C8orf34: variants seen among roughly 807,000 people sequenced by gnomAD.
C8orf34 encodes uncharacterized protein C8orf34.
A neutral mutation model predicts 68.3 loss-of-function variants in C8orf34; 65 were observed. The ratio of observed to expected loss-of-function variants is 0.95; its 90% CI spans 0.78 to 1.17. C8orf34 has a LOEUF of 1.17. Ranked by LOEUF, C8orf34 falls within the 50% of genes most tolerant of loss-of-function variation. The probability of loss-of-function intolerance (pLI) is 0.00; values close to 1 mark genes in which losing one functional copy is unlikely to be tolerated. For synonymous variants in C8orf34, 244 were observed against 241.2 expected, an observed-to-expected ratio of 1.01 and a Z score of -0.11; for missense variants, 664 against 655.4, an observed-to-expected ratio of 1.01 and a Z score of -0.14.
intron 7 of C8orf34, among the ~76,000 whole-genome samples, chr8:68,605,566 G>C (rs1297040177): frequency 1.3e-5 from 2 of 152,050 alleles, no homozygotes; most frequent in African/African-American, 4.8e-5. Context: ...AAAGATGAGA[G>C]GCAGCGAAGA....
intron 2 of C8orf34, among the ~76,000 whole-genome samples, chr8:68,442,228 T>C (rs774333234): frequency 1.3e-5 from 2 of 151,980 alleles, no homozygotes; most frequent in Non-Finnish European, 2.9e-5. Context: ...AGGGCACCAA[T>C]TATGGAAAGT....
chr8:68,682,654 G>A (rs1820404176), intron 8 of C8orf34, among the ~76,000 whole-genome samples: 1 of 152,136 alleles, frequency 6.6e-6, no homozygotes. Context: ...TTGTGGTGGT[G>A]TATTCCTGTC....
At chr8:68,520,810 A>C (rs562824781) in intron 5 of C8orf34, among the ~76,000 whole-genome samples, 2 of 152,280 alleles carry the variant, frequency 1.3e-5, no homozygotes, top group East Asian at 3.9e-4. Flanking sequence ...GTAATAGTAA[A>C]ATTTATCACT....
intron 1 of C8orf34, among the ~76,000 whole-genome samples, chr8:68,395,792 C>T (rs141528435): frequency 9.9e-4 from 150 of 152,018 alleles, no homozygotes; most frequent in African/African-American, 3.2e-3. Flanking sequence ...AAGTAGGAAA[C>T]GAAATCAACT....
At position 68,787,480 on chromosome 8, in the gene C8orf34, C is replaced by G. The variant is rs149687512; in HGVS notation, c.1493C>G (p.Pro498Arg). Residue 498 changes from proline (P) to arginine (R), a missense_variant, in exon 12 of 14, where the codon CCA (proline) becomes CGA (arginine). By Grantham distance (103) the Pro-to-Arg change is moderately radical. Transcript: ENST00000518698. ...SLKQLQVVHQ[P>R]WILPSDTESE... is the part of the protein sequence containing the mutation. ...AAGCAATTGCAGGTAGTTCATCAACCATGGATCTTGCCAAGTGACACAGAA... is the reference window on the plus strand; with the variant it reads ...AAGCAATTGCAGGTAGTTCATCAACGATGGATCTTGCCAAGTGACACAGAA... The G allele has an allele frequency of 5.0e-6, 8 of 1,612,398 alleles. No homozygotes were observed. The highest frequency in any genetic ancestry group is 4.2e-6 in the Non-Finnish European group (5 of 1,178,956).
chr8:68,459,217 C>A (rs902106765), intron 3 of C8orf34, among the ~76,000 whole-genome samples: 9 of 151,908 alleles, frequency 5.9e-5, no homozygotes, highest in African/African-American at 2.4e-5. Flanking sequence ...ACTCAGGGAA[C>A]TCTTTCATTT....
chr8:68,461,195 T>C (rs1316245428), intron 3 of C8orf34, among the ~76,000 whole-genome samples: 1 of 152,138 alleles, frequency 6.6e-6, no homozygotes, highest in African/African-American at 2.4e-5. Flanking sequence ...GTATCAGTGA[T>C]GGAAGACGAA....
chr8:68,457,293 A>C, intron 3 of C8orf34, among the ~76,000 whole-genome samples: 1 of 152,322 alleles, frequency 6.6e-6, no homozygotes, highest in South Asian at 2.1e-4. Flanking sequence ...GAAGTACAAT[A>C]GCTGAAAAAT....
intron 3 of C8orf34, among the ~76,000 whole-genome samples, chr8:68,450,928 A>G (rs995786798): frequency 2.0e-5 from 3 of 152,116 alleles, no homozygotes; most frequent in Non-Finnish European, 4.4e-5. Context: ...ACTTCTCTCT[A>G]GCTATGAAAG....
chr8:68,722,944 T>C (rs967781684), intron 10 of C8orf34, among the ~76,000 whole-genome samples: 36 of 152,116 alleles, frequency 2.4e-4, no homozygotes, highest in Admixed American at 1.2e-3. Context: ...ATCTCTTACC[T>C]TGGCATTTTC....
intron 7 of C8orf34, 47 bp from the exon 8 acceptor site, chr8:68,640,329 T>C (rs1435579774): frequency 6.3e-7 from 1 of 1,576,276 alleles, no homozygotes; most frequent in Non-Finnish European, 8.7e-7. Flanking sequence ...TCTCCTTAAT[T>C]CCACTAGAGT....
chr8:68,535,075 C>T (rs1815405575), intron 7 of C8orf34: 9 of 985,244 alleles, frequency 9.1e-6, no homozygotes, highest in Non-Finnish European at 1.1e-5. Flanking sequence ...CCTCTTATAG[C>T]TTGGAATGTT....
At chr8:68,515,048 A>G (rs1055683499) in intron 5 of C8orf34, among the ~76,000 whole-genome samples, 1 of 152,202 alleles carries the variant, frequency 6.6e-6, no homozygotes, top group South Asian at 2.1e-4. Context: ...CAATATACTA[A>G]GTGCACATGA....
At chr8:68,535,645 AT>A (rs1815433641) in intron 7 of C8orf34, 1 of 679,738 alleles carries the variant, frequency 1.5e-6, no homozygotes, top group Admixed American at 6.3e-5. Flanking sequence ...TTAATTATAT[AT>A]TTGTGGATTT....
At chr8:68,546,392 A>T (rs1024922359) in intron 7 of C8orf34, among the ~76,000 whole-genome samples, 1 of 151,990 alleles carries the variant, frequency 6.6e-6, no homozygotes, top group Non-Finnish European at 1.5e-5. Context: ...AAAGTAGGCA[A>T]AAGAGAGTTA....
intron 10 of C8orf34, among the ~76,000 whole-genome samples, chr8:68,743,660 A>G (rs1822375813): frequency 6.6e-6 from 1 of 152,232 alleles, no homozygotes; most frequent in African/African-American, 2.4e-5. Flanking sequence ...CCACCCGAAT[A>G]CTGCGCTTTC....
chr8:68,703,599 C>A (rs1821079801), intron 8 of C8orf34, among the ~76,000 whole-genome samples: 1 of 152,122 alleles, frequency 6.6e-6, no homozygotes, highest in Non-Finnish European at 1.5e-5. Flanking sequence ...ATATGTGCAA[C>A]TCAAATGCTC....
At chr8:68,429,563 A>G (rs1810367812) in intron 1 of C8orf34, among the ~76,000 whole-genome samples, 1 of 152,258 alleles carries the variant, frequency 6.6e-6, no homozygotes, top group Admixed American at 6.5e-5. Flanking sequence ...ACATGTGCAC[A>G]CAAGACTGAT....
intron 12 of C8orf34, chr8:68,791,698 C>G (rs1823998210): frequency 6.6e-6 from 1 of 152,120 alleles, no homozygotes; most frequent in African/African-American, 2.4e-5. Flanking sequence ...TAAGACTTCC[C>G]CACTTGGGTT....
Sources: gnomAD v4.1 joint callset for allele counts (sites outside exome capture counted in the v4.1 genomes callset) on GRCh38, gnomAD v4.1.1 for gene constraint, MANE v1.5 for transcripts, NCBI Gene and HGNC (gene_info 2026-07-23, HGNC 2026-07-21) for gene names.